MBNL1: variants seen among roughly 807,000 people sequenced by gnomAD.
MBNL1 encodes the protein muscleblind like splicing regulator 1, also known as muscleblind-like protein 1.
A neutral mutation model predicts 42.2 loss-of-function variants in MBNL1; 8 were observed. The ratio of observed to expected loss-of-function variants is 0.19; its 90% CI spans 0.11 to 0.34. The LOEUF is 0.34. Among genes scored for constraint, MBNL1 ranks in the 10% least tolerant of loss-of-function variants. MBNL1 has a pLI of 1.00. For synonymous variants in MBNL1, 169 were observed against 173.9 expected (o/e 0.97, Z 0.22); for missense variants, 309 against 495.3 (o/e 0.62, Z 3.57).
intron 2 of MBNL1, among the ~76,000 whole-genome samples, chr3:152,353,122 G>C (rs983494714): frequency 4.6e-5 from 7 of 152,170 alleles, no homozygotes; most frequent in Admixed American, 4.6e-4. Context: ...AGTACTCTGT[G>C]ATCAGCGAAC....
In MBNL1 at chr3:152,376,867, G is replaced by C. The variant is rs372070401; in HGVS notation, c.175-38074G>C. 2.0e-4 allele frequency among the ~76,000 whole-genome samples: 31 copies of C among 152,236 alleles called. 1 individual carries two copies. The East Asian group carries it at 5.0e-3, about 25-fold the overall frequency. ...CTTCTTGGGGAAAATGGGTCTCGCT[G>C]CTTCACCTGAAGTCTGCATGCTTTT... On this transcript the variant is annotated intron_variant, in intron 2 of 9. Transcript: ENST00000324210.
At chr3:152,267,640 T>C (rs1164840825), upstream of MBNL1, 1 of 152,226 alleles carries the variant, frequency 6.6e-6, no homozygotes, top group East Asian at 1.9e-4. Flanking sequence ...TTTTAAACGA[T>C]TAACGCTGGG....
At chr3:152,380,276 G>A (rs1335795181) in intron 2 of MBNL1, among the ~76,000 whole-genome samples, 1 of 152,090 alleles carries the variant, frequency 6.6e-6, no homozygotes. Flanking sequence ...CTAAAATACA[G>A]TGTCTGAGTG....
chr3:152,292,270 A>G (rs1419218591), intron 1 of MBNL1, among the ~76,000 whole-genome samples: 1 of 152,198 alleles, frequency 6.6e-6, no homozygotes. Context: ...CTTTTAAATC[A>G]TTGTCTGTAT....
rs538372364 is a variant in MBNL1, at chr3:152,251,284, A to G, written n.333+6844A>G. ...TTTTAAAATGTATTATTGTTAAGTGATAAGTAAAAATTGTTTATTTTTCTT... is the reference window on the plus strand; with the variant it reads ...TTTTAAAATGTATTATTGTTAAGTGGTAAGTAAAAATTGTTTATTTTTCTT... On this transcript the variant is annotated intron_variant and non_coding_transcript_variant, in intron 2 of 2. Coordinates refer to the MBNL1 transcript ENST00000477171. Among the ~76,000 whole-genome samples, 31 of 152,226 alleles carry G rather than the reference A, an allele frequency of 2.0e-4. 1 individual carries two copies. In the South Asian group the frequency reaches 3.7e-3, roughly 18 times the overall value.
chr3:152,358,903 C>T (rs888483773), intron 2 of MBNL1, among the ~76,000 whole-genome samples: 2 of 152,120 alleles, frequency 1.3e-5, no homozygotes, highest in African/African-American at 4.8e-5. Flanking sequence ...AGCCACCGTG[C>T]CCAGCCTCAT....
chr3:152,276,228 TA>T (rs2045108585), intron 1 of MBNL1, among the ~76,000 whole-genome samples: 1 of 152,194 alleles, frequency 6.6e-6, no homozygotes, highest in African/African-American at 2.4e-5. Context: ...GCGATGAGAA[TA>T]TAGCTGTAAT....
At chr3:152,325,615 A>T (rs748372244) in intron 2 of MBNL1, among the ~76,000 whole-genome samples, 3 of 151,876 alleles carry the variant, frequency 2.0e-5, no homozygotes, top group Non-Finnish European at 4.4e-5. Flanking sequence ...TAAGTCAATT[A>T]TTTTCATGCT....
At chr3:152,331,990 C>A (rs1339557826) in intron 2 of MBNL1, among the ~76,000 whole-genome samples, 2 of 152,116 alleles carry the variant, frequency 1.3e-5, no homozygotes, top group Non-Finnish European at 2.9e-5. Context: ...CCGCTCCCGG[C>A]CTTGATACCT....
At chr3:152,460,867 G>C (rs762859212) in intron 9 of MBNL1, among the ~76,000 whole-genome samples, 5 of 152,006 alleles carry the variant, frequency 3.3e-5, no homozygotes, top group African/African-American at 4.8e-5. Context: ...GTGCTACTTT[G>C]TGTTAGTTAC....
chr3:152,310,820 T>C (rs935786435), intron 2 of MBNL1, among the ~76,000 whole-genome samples: 4 of 151,500 alleles, frequency 2.6e-5, no homozygotes, highest in African/African-American at 7.3e-5. Flanking sequence ...ATAGACTGTT[T>C]GGGGGGGTTG....
At chr3:152,454,652 C>T (rs1407436334) in intron 6 of MBNL1, among the ~76,000 whole-genome samples, 1 of 152,162 alleles carries the variant, frequency 6.6e-6, no homozygotes, top group African/African-American at 2.4e-5. Context: ...TCAGTGCTAA[C>T]ACCCCATATG....
intron 2 of MBNL1, among the ~76,000 whole-genome samples, chr3:152,391,015 G>C (rs2097694273): frequency 6.6e-6 from 1 of 152,160 alleles, no homozygotes. Flanking sequence ...CTAGGTGCTA[G>C]GTATTGACTT....
rs566825872 is a variant in MBNL1, at chr3:152,384,213, A to C, written c.175-30728A>C. Among the ~76,000 whole-genome samples, 37 of 152,234 alleles carry C rather than the reference A, an allele frequency of 2.4e-4. No homozygotes were observed. In the South Asian group the frequency reaches 7.7e-3, roughly 32 times the overall value. On this transcript the variant is annotated intron_variant, in intron 2 of 9. Transcript: ENST00000324210. Reference sequence around the variant, plus strand: ...GGAGGCAGAATGTACCAAACTGCCTAGAGGAAATGTGTTTCTTTTTCCTAG... The same window carrying C: ...GGAGGCAGAATGTACCAAACTGCCTCGAGGAAATGTGTTTCTTTTTCCTAG...
chr3:152,323,617 T>C (rs2077681362), intron 2 of MBNL1, among the ~76,000 whole-genome samples: 1 of 152,126 alleles, frequency 6.6e-6, no homozygotes, highest in Admixed American at 6.6e-5. Flanking sequence ...GGCCTATTGC[T>C]CCTAGGCTGC....
intron 5 of MBNL1, among the ~76,000 whole-genome samples, chr3:152,447,271 C>G (rs2099241818): frequency 6.6e-6 from 1 of 152,158 alleles, no homozygotes; most frequent in African/African-American, 2.4e-5. Context: ...CTTGTCAATC[C>G]TCATGGAGCT....
chr3:152,268,613 G>A (rs2037950701), upstream of MBNL1: 1 of 393,944 alleles, frequency 2.5e-6, no homozygotes, highest in Non-Finnish European at 5.0e-6. Flanking sequence ...TGAGATGGAA[G>A]ATACCAACGG....
intron 2 of MBNL1, among the ~76,000 whole-genome samples, chr3:152,344,145 A>T (rs1411901419): frequency 6.6e-6 from 1 of 152,146 alleles, no homozygotes; most frequent in South Asian, 2.1e-4. Flanking sequence ...GTTTCCCAGA[A>T]ATATGGTGAA....
chr3:152,302,720 TCA>T (rs2061240186), intron 2 of MBNL1, among the ~76,000 whole-genome samples: 2 of 152,180 alleles, frequency 1.3e-5, no homozygotes, highest in Non-Finnish European at 2.9e-5. Context: ...TTGCATTCTC[TCA>T]CAGAGTAAAC....
Sources: allele counts gnomAD v4.1 joint callset (sites outside exome capture counted in the v4.1 genomes callset), GRCh38; gene constraint gnomAD v4.1.1; transcripts MANE v1.5; gene names NCBI Gene and HGNC (gene_info 2026-07-23, HGNC 2026-07-21).